Variants in VRK2 observed in about 807,000 individuals in gnomAD.
VRK2 encodes the protein VRK serine/threonine kinase 2.
A neutral mutation model predicts 57.6 loss-of-function variants in VRK2; 60 were observed. The observed-to-expected ratio is 1.04, with a 90% CI of 0.85 to 1.29. The LOEUF (loss-of-function observed/expected upper bound fraction) is 1.29, where lower values mean the gene tolerates loss of function less well. Among genes scored for constraint, VRK2 ranks in the 50% most tolerant of loss-of-function variants. The probability of loss-of-function intolerance (pLI) is 0.00; values close to 1 mark genes in which losing one functional copy is unlikely to be tolerated. For missense variants in VRK2, 705 were observed against 588.1 expected (o/e 1.20, Z -2.06); for synonymous variants, 231 against 199.2 (o/e 1.16, Z -1.35).
intron 10 of VRK2, among the ~76,000 whole-genome samples, 167 bp from the exon 11 acceptor site, chr2:58,139,499 T>A (rs987461517): frequency 2.0e-5 from 3 of 152,102 alleles, no homozygotes; most frequent in African/African-American, 7.2e-5. Flanking sequence ...ATTTCAGTCA[T>A]TTTTGAATAT....
intron 7 of VRK2, among the ~76,000 whole-genome samples, chr2:58,103,282 T>A (rs1052513316): frequency 6.6e-6 from 1 of 150,470 alleles, no homozygotes; most frequent in African/African-American, 2.4e-5. Context: ...AAATAAAAAT[T>A]AAAATAAAAA....
intron 10 of VRK2, among the ~76,000 whole-genome samples, chr2:58,137,013 TATATCTC>T: frequency 7.5e-6 from 1 of 133,160 alleles, no homozygotes; most frequent in African/African-American, 2.9e-5. Context: ...ATATATTATA[TATATCTC>T]ATATGTGTAT....
intron 7 of VRK2, among the ~76,000 whole-genome samples, chr2:58,093,893 T>C (rs904488092): frequency 6.6e-6 from 1 of 152,236 alleles, no homozygotes; most frequent in African/African-American, 2.4e-5. Context: ...GGCTAGCCAG[T>C]TTTCCCAGCA....
chr2:58,043,823 C>T (rs1446955335), upstream of VRK2, among the ~76,000 whole-genome samples: 1 of 152,184 alleles, frequency 6.6e-6, no homozygotes, highest in Non-Finnish European at 1.5e-5. Context: ...TCCAGAGTGG[C>T]TGTACCATCA....
intron 1 of VRK2, among the ~76,000 whole-genome samples, chr2:58,004,200 AAC>A (rs1330506163): frequency 1.3e-5 from 2 of 151,796 alleles, no homozygotes; most frequent in Non-Finnish European, 2.9e-5. Flanking sequence ...CACACACACA[AAC>A]ACACACATCC....
chr2:57,972,733 TTAAA>T (rs1397184585), intron 1 of VRK2, among the ~76,000 whole-genome samples: 2 of 151,910 alleles, frequency 1.3e-5, no homozygotes, highest in African/African-American at 4.8e-5. Flanking sequence ...TTTGTTTATC[TTAAA>T]TATTTATGTT....
intron 1 of VRK2, among the ~76,000 whole-genome samples, chr2:57,932,944 G>C (rs1477716666): frequency 6.6e-6 from 1 of 151,942 alleles, no homozygotes; most frequent in Non-Finnish European, 1.5e-5. Flanking sequence ...TTGTTTTCGG[G>C]AGCATGTTGT....
intron 2 of VRK2, among the ~76,000 whole-genome samples, chr2:58,062,785 CAT>C (rs1389923611): frequency 6.6e-6 from 1 of 152,074 alleles, no homozygotes; most frequent in Non-Finnish European, 1.5e-5. Flanking sequence ...ATCTCCAAAA[CAT>C]AAAAATGGAA....
At chr2:58,052,471 A>T (rs1374407542) in intron 2 of VRK2, among the ~76,000 whole-genome samples, 1 of 151,802 alleles carries the variant, frequency 6.6e-6, no homozygotes, top group Non-Finnish European at 1.5e-5. Flanking sequence ...GGTTGTGGTA[A>T]TGTGTGTGTG....
chr2:58,040,966 C>T (rs1167764964), intron 3 of VRK2: 5 of 890,220 alleles, frequency 5.6e-6, no homozygotes, highest in Non-Finnish European at 6.7e-6. Context: ...AAGGTGTCAA[C>T]TCTATTCTTA....
intron 1 of VRK2, among the ~76,000 whole-genome samples, chr2:57,944,033 A>G (rs1671178554): frequency 6.6e-6 from 1 of 152,230 alleles, no homozygotes; most frequent in African/African-American, 2.4e-5. Flanking sequence ...CATAGAGTGT[A>G]GTTTGCTGAC....
chr2:58,139,218 G>A (rs1310329247), intron 10 of VRK2, among the ~76,000 whole-genome samples: 1 of 152,012 alleles, frequency 6.6e-6, no homozygotes, highest in Non-Finnish European at 1.5e-5. Flanking sequence ...CAAAATCAAA[G>A]CCTTAATTAA....
chr2:57,955,338 T>C (rs1031885850), intron 1 of VRK2, among the ~76,000 whole-genome samples: 3 of 147,344 alleles, frequency 2.0e-5, no homozygotes, highest in South Asian at 2.1e-4. Context: ...TGTAAATATA[T>C]GCAAACACAT....
At chr2:58,048,631 T>G in intron 1 of VRK2, 196 bp from the exon 2 acceptor site, 1 of 1,499,826 alleles carries the variant, frequency 6.7e-7, no homozygotes, top group Non-Finnish European at 9.0e-7. Flanking sequence ...ACCTCTTAGA[T>G]CTCAGTATTG....
In VRK2 at chr2:58,048,947, G is replaced by A; in HGVS notation, c.116G>A (p.Gly39Glu). Reference sequence around the variant, plus strand: ...CTGGGCAAGAAGATTGGCTCTGGAGGATTTGGATTGATATATTTAGGTAAA... The same window carrying A: ...CTGGGCAAGAAGATTGGCTCTGGAGAATTTGGATTGATATATTTAGGTAAA... ...WVLGKKIGSG[G>E]FGLIYLAFPT... The change falls in exon 2 of 13, where the codon GGA (glycine) becomes GAA (glutamate). Residue 39 changes from glycine (G) to glutamate (E), a missense_variant. Transcript: ENST00000340157. 1 of 1,613,446 alleles carries A rather than the reference G, an allele frequency of 6.2e-7. No homozygotes were observed. Among genetic ancestry groups the A allele is most frequent in the Non-Finnish European group, 8.5e-7 (1 of 1,179,650 alleles).
intron 3 of VRK2, among the ~76,000 whole-genome samples, chr2:58,039,893 ATTT>A (rs1377458847): frequency 6.6e-6 from 1 of 151,340 alleles, no homozygotes; most frequent in Non-Finnish European, 1.5e-5. Context: ...CATGTATTTT[ATTT>A]TTATTTATTT....
chr2:58,047,683 C>T (rs892266458), intron 1 of VRK2, among the ~76,000 whole-genome samples: 1 of 152,158 alleles, frequency 6.6e-6, no homozygotes, highest in African/African-American at 2.4e-5. Flanking sequence ...ACTTTTCCTG[C>T]TTTATGATAC....
At chr2:57,931,252 C>T (rs753887066) in intron 1 of VRK2, among the ~76,000 whole-genome samples, 41 of 152,068 alleles carry the variant, frequency 2.7e-4, no homozygotes, top group East Asian at 1.9e-4. Context: ...TACATTCCCA[C>T]CAAAAGTGTA....
chr2:58,140,460 G>A (rs1224833849), intron 11 of VRK2, among the ~76,000 whole-genome samples: 1 of 152,010 alleles, frequency 6.6e-6, no homozygotes, highest in African/African-American at 2.4e-5. Flanking sequence ...ATAGTGGACA[G>A]GCAACTCAGC....
Sources: gnomAD v4.1 joint callset for allele counts (sites outside exome capture counted in the v4.1 genomes callset) on GRCh38, gnomAD v4.1.1 for gene constraint, MANE v1.5 for transcripts, NCBI Gene and HGNC (gene_info 2026-07-23, HGNC 2026-07-21) for gene names.